The following DDX3X variants were observed in gnomAD, a reference collection of about 807,000 sequenced individuals.
The protein encoded by DDX3X is DEAD-box helicase 3 X-linked, also known as ATP-dependent RNA helicase DDX3X.
Under a neutral mutation model 52.7 loss-of-function variants are expected in DDX3X, and 4 were observed. That is an observed-to-expected ratio of 0.08 (90% CI 0.04 to 0.17). The LOEUF is 0.17. Among genes scored for constraint, DDX3X ranks in the 10% least tolerant of loss-of-function variants. The probability of loss-of-function intolerance (pLI) is 1.00; values close to 1 mark genes in which losing one functional copy is unlikely to be tolerated. For synonymous variants in DDX3X, 192 were observed against 178.1 expected, an observed-to-expected ratio of 1.08 and a Z score of -0.62; for missense variants, 222 against 548.6, an observed-to-expected ratio of 0.40 and a Z score of 5.95.
At chrX:41,361,368 C>T (rs1569246020) in intron 5 of DDX3X, among the ~76,000 whole-genome samples, 4 of 109,302 alleles carry the variant, frequency 3.7e-5, no homozygotes, top group East Asian at 2.9e-4. Flanking sequence ...AAAAATTAGC[C>T]GGGTGTGGTG....
intron 6 of DDX3X, 122 bp from the exon 7 acceptor site, chrX:41,343,094 G>A (rs2063873093): frequency 3.5e-6 from 3 of 868,402 alleles, no homozygotes; most frequent in South Asian, 4.9e-5. Context: ...AGTATAATGT[G>A]ATAATTTTAC....
Position 41,346,971 on chromosome X carries a change from T to C in DDX3X, c.1728T>C (p.Tyr576=), listed in dbSNP as rs2063933550. The C allele has an allele frequency of 8.3e-7, 1 of 1,211,227 alleles. No individual in the cohort carries two copies. Among genetic ancestry groups the C allele is most frequent in the Middle Eastern group, 2.3e-4 (1 of 4,353 alleles). Residue 576 remains tyrosine, a synonymous_variant, in exon 15 of 17, where the codon TAT becomes TAC. Coordinates refer to ENST00000644876, the MANE Select transcript of DDX3X (RefSeq NM_001356.5). The part of the protein sequence containing the change: ...EVPSWLENMA[Y]EHHYKGSSRG... Reference sequence around the variant, plus strand: ...CGTCTTGGTTAGAAAACATGGCTTATGAACACCACTACAAGGGTAGCAGTC... The same window carrying C: ...CGTCTTGGTTAGAAAACATGGCTTACGAACACCACTACAAGGGTAGCAGTC...
chrX:41,335,391 T>A lies in DDX3X; in HGVS notation c.45+1094T>A, dbSNP rs1391694052. On this transcript the variant is annotated intron_variant, in intron 1 of 16. Coordinates refer to ENST00000644876, the MANE Select transcript of DDX3X (RefSeq NM_001356.5). ...CTATCTGTGGAGTAGAATCTTGCAATGGGTCCCAGGCCCCCGGGTTTTTTC... is the reference window on the plus strand; with the variant it reads ...CTATCTGTGGAGTAGAATCTTGCAAAGGGTCCCAGGCCCCCGGGTTTTTTC... 3.6e-5 allele frequency: 4 copies of A among 109,926 alleles called. No homozygotes were observed. The East Asian group carries it at 9.1e-4, about 25-fold the overall frequency. The allele number at this position is 109,926 out of a possible 1,213,427, so 9.1% of individuals were successfully genotyped here.
At chrX:41,341,378 A>AG (rs1174733971) in intron 3 of DDX3X, 106 bp from the exon 4 acceptor site, 2 of 614,784 alleles carry the variant, frequency 3.3e-6, no homozygotes, top group Middle Eastern at 1.1e-3. Context: ...GTGCCATGGT[A>AG]GGGATAGTCA....
chrX:41,346,673 C>T, intron 14 of DDX3X, 51 bp downstream of exon 14: 6 of 1,010,026 alleles, frequency 5.9e-6, no homozygotes, highest in Middle Eastern at 2.6e-4. Flanking sequence ...GTGATGTGTG[C>T]AGGAAAGAAC....
Position 41,342,667 on chromosome X carries a change from G to A in DDX3X, c.443+14G>A, listed in dbSNP as rs2063867246. 2.5e-6 allele frequency: 3 copies of A among 1,209,770 alleles called. No individual in the cohort carries two copies. The South Asian group carries it at 5.3e-5, about 21-fold the overall frequency. ...ACGCTTGGAACAGTAAGTTTTTGAA[G>A]TGTATGTTACTTGTGATGAAGCCTT... On this transcript the variant is annotated intron_variant, in intron 5 of 16. Transcript: ENST00000644876.
rs758942832 is a variant in DDX3X at position 41,342,626 on chromosome X, C to T, written c.416C>T (p.Pro139Leu). The T allele has an allele frequency of 1.1e-5, 13 of 1,211,621 alleles. No homozygotes were observed. The highest frequency in any genetic ancestry group is 1.5e-5 in the Non-Finnish European group (13 of 895,453). ...TCAGATGAAGATGATTGGTCAAAAC[C>T]ACTCCCACCAAGTGAACGCTTGGAA... ...DKSDEDDWSK[P>L]LPPSERLEQE... The change falls in exon 5 of 17, where the codon CCA becomes CTA. Residue 139 changes from proline to leucine, a missense_variant. Coordinates refer to ENST00000644876, the MANE Select transcript of DDX3X (RefSeq NM_001356.5).
At chrX:41,364,022 C>T (rs1429872102) in intron 5 of DDX3X, among the ~76,000 whole-genome samples, 3 of 111,814 alleles carry the variant, frequency 2.7e-5, no homozygotes, top group Non-Finnish European at 5.6e-5. Flanking sequence ...TTCTCTCACC[C>T]TTCTGTAACA....
intron 5 of DDX3X, among the ~76,000 whole-genome samples, chrX:41,359,853 G>A (rs192268037): frequency 0.014 from 1,554 of 108,541 alleles, 35 homozygotes; most frequent in African/African-American, 0.05. Context: ...GCGGTGGCGG[G>A]TGCCTGTAGT....
At chrX:41,334,472 C>A in intron 1 of DDX3X, 175 bp downstream of exon 1, 1 of 1,099,039 alleles carries the variant, frequency 9.1e-7, no homozygotes, top group Non-Finnish European at 1.2e-6. Context: ...TTGGGGCTGT[C>A]GCCCGGGCCC....
At chrX:41,335,588 C>T (rs763609915) in intron 1 of DDX3X, 5 of 111,873 alleles carry the variant, frequency 4.5e-5, no homozygotes, top group Admixed American at 3.8e-4. Context: ...TTTAAATAAA[C>T]TACTGTCTAC....
At position 41,344,049 on chromosome X, in the gene DDX3X, G is replaced by A. The variant is rs1218821680; in HGVS notation, c.785G>A (p.Arg262His). The change falls in exon 9 of 17, where the codon CGC becomes CAC. Residue 262 changes from arginine (R) to histidine (H), a missense_variant. Arg to His is a conservative substitution (Grantham distance 29). Transcript: ENST00000644876. ...TCTTAGGAAAATGGAAGGTATGGGC[G>A]CCGCAAACAATACCCAATCTCCTTG... The part of the protein sequence containing the change: ...RAMKENGRYG[R>H]RKQYPISLVL... 1.7e-6 allele frequency: 2 copies of A among 1,205,959 alleles called. No homozygotes were observed. Among genetic ancestry groups the A allele is most frequent in the Non-Finnish European group, 2.2e-6 (2 of 892,790 alleles).
chrX:41,341,071 A>C (rs917340061), intron 3 of DDX3X: 12 of 184,976 alleles, frequency 6.5e-5, no homozygotes, highest in African/African-American at 3.3e-4. Flanking sequence ...CTGCAACCTC[A>C]GCCTCCCGGG....
chrX:41,349,857 C>T lies in DDX3X; in HGVS notation c.*2138C>T, dbSNP rs1218060905. 1 of 108,935 alleles carries T rather than the reference C, an allele frequency of 9.2e-6. No individual in the cohort carries two copies. The highest frequency in any genetic ancestry group is 1.9e-5 in the Non-Finnish European group (1 of 52,499). The allele number at this position is 108,935 out of a possible 1,213,427, so 9.0% of individuals were successfully genotyped here. ...CTTCAAAACACTGATGTGAAGTGTCCAGATTCTCAGATGTTTGTTGTGTGG... is the reference window on the plus strand; with the variant it reads ...CTTCAAAACACTGATGTGAAGTGTCTAGATTCTCAGATGTTTGTTGTGTGG... On this transcript the variant is annotated 3_prime_UTR_variant, in exon 17 of 17. Coordinates refer to ENST00000644876, the MANE Select transcript of DDX3X (RefSeq NM_001356.5).
intron 12 of DDX3X, 95 bp from the exon 13 acceptor site, chrX:41,346,134 A>G (rs1174476624): frequency 2.2e-5 from 16 of 738,500 alleles, no homozygotes; most frequent in Non-Finnish European, 3.2e-5. Context: ...GAAGATATAT[A>G]TGTATTTTAA....
chrX:41,363,371 G>T (rs1161018867), intron 5 of DDX3X, among the ~76,000 whole-genome samples: 1 of 111,728 alleles, frequency 9.0e-6, no homozygotes, highest in Admixed American at 9.6e-5. Context: ...GTTGCAGTGA[G>T]CTGAGATTGC....
chrX:41,338,600 T>C (rs1459583848), intron 2 of DDX3X: 1 of 112,220 alleles, frequency 8.9e-6, no homozygotes, highest in East Asian at 2.8e-4. Context: ...TCCTTGTTTA[T>C]TTATTGTATG....
intron 3 of DDX3X, chrX:41,341,126 C>G: frequency 6.2e-6 from 1 of 162,121 alleles, no homozygotes; most frequent in Non-Finnish European, 1.2e-5. Flanking sequence ...GCTGGGATTA[C>G]AGACGTGGGC....
At chrX:41,352,798 T>C (rs1453950857), downstream of DDX3X, among the ~76,000 whole-genome samples, 1 of 111,325 alleles carries the variant, frequency 9.0e-6, no homozygotes, top group Non-Finnish European at 1.9e-5. Flanking sequence ...TTTTTATTCC[T>C]AAAGCTCCCC....
Sources: gnomAD v4.1 joint callset for allele counts (sites outside exome capture counted in the v4.1 genomes callset) on GRCh38, gnomAD v4.1.1 for gene constraint, MANE v1.5 for transcripts, NCBI Gene and HGNC (gene_info 2026-07-23, HGNC 2026-07-21) for gene names.